Variants in SEMA3E observed in about 807,000 individuals in gnomAD.
SEMA3E encodes the protein semaphorin 3E.
A neutral mutation model predicts 93.6 loss-of-function variants in SEMA3E; 49 were observed. That is an observed-to-expected ratio of 0.52 (90% CI 0.42 to 0.66). The LOEUF is 0.66. Among genes scored for constraint, SEMA3E ranks in the 30% least tolerant of loss-of-function variants. The pLI, the probability that SEMA3E is intolerant of heterozygous loss-of-function variation, is 0.00. For synonymous variants in SEMA3E, 363 were observed against 330.7 expected, an observed-to-expected ratio of 1.10 and a Z score of -1.06; for missense variants, 906 against 964.8, an observed-to-expected ratio of 0.94 and a Z score of 0.81.
chr7:83,588,924 C>T (rs1792691722), intron 1 of SEMA3E, among the ~76,000 whole-genome samples: 1 of 152,088 alleles, frequency 6.6e-6, no homozygotes, highest in South Asian at 2.1e-4. Flanking sequence ...CCAAGAAAGG[C>T]TGAAAAGCTC....
intron 1 of SEMA3E, among the ~76,000 whole-genome samples, chr7:83,589,396 G>T (rs1340348034): frequency 6.6e-6 from 1 of 151,998 alleles, no homozygotes; most frequent in African/African-American, 2.4e-5. Flanking sequence ...GAGACTTAAA[G>T]ATTTGAGTTT....
At chr7:83,537,698 T>C (rs779547684) in intron 1 of SEMA3E, among the ~76,000 whole-genome samples, 1 of 152,210 alleles carries the variant, frequency 6.6e-6, no homozygotes, top group Admixed American at 6.5e-5. Flanking sequence ...GCTTTATAAT[T>C]CACATAGCAC....
At chr7:83,645,869 AT>A (rs1178889786) in intron 1 of SEMA3E, among the ~76,000 whole-genome samples, 6 of 151,658 alleles carry the variant, frequency 4.0e-5, no homozygotes, top group East Asian at 3.9e-4. Flanking sequence ...ATCTCTGGAC[AT>A]TTTTTTTCTG....
intron 1 of SEMA3E, among the ~76,000 whole-genome samples, chr7:83,546,852 G>C (rs1463482342): frequency 6.6e-6 from 1 of 152,068 alleles, no homozygotes; most frequent in East Asian, 1.9e-4. Context: ...GAGCAAACTG[G>C]TTGAAGTAAA....
chr7:83,536,199 C>A (rs978582), intron 1 of SEMA3E, among the ~76,000 whole-genome samples: 128,390 of 151,912 alleles, frequency 0.85, 54,503 homozygotes, highest in South Asian at 0.95. Context: ...CTTTTACCAG[C>A]TTTTGATTTT....
intron 1 of SEMA3E, among the ~76,000 whole-genome samples, chr7:83,572,446 C>A (rs1329217684): frequency 6.6e-6 from 1 of 152,014 alleles, no homozygotes; most frequent in African/African-American, 2.4e-5. Context: ...CGAGACCATC[C>A]TGGCCAACAT....
chr7:83,575,248 G>C (rs957439047), intron 1 of SEMA3E, among the ~76,000 whole-genome samples: 1 of 151,376 alleles, frequency 6.6e-6, no homozygotes, highest in Non-Finnish European at 1.5e-5. Flanking sequence ...CAGGATGGAC[G>C]GAGAAACATC....
chr7:83,453,326 T>C (rs1255400152), intron 4 of SEMA3E, among the ~76,000 whole-genome samples: 1 of 151,932 alleles, frequency 6.6e-6, no homozygotes, highest in Non-Finnish European at 1.5e-5. Context: ...TGGATATTTA[T>C]TGGGTAGCTA....
At chr7:83,575,123 A>C (rs1419592783) in intron 1 of SEMA3E, among the ~76,000 whole-genome samples, 2 of 152,084 alleles carry the variant, frequency 1.3e-5, no homozygotes, top group African/African-American at 2.4e-5. Flanking sequence ...AATATGCATT[A>C]GTTTAATAAG....
intron 1 of SEMA3E, among the ~76,000 whole-genome samples, chr7:83,607,355 T>G (rs1463969885): frequency 6.6e-6 from 1 of 152,190 alleles, no homozygotes; most frequent in Admixed American, 6.5e-5. Flanking sequence ...CTCCACTCAC[T>G]CACTGAGCAT....
intron 4 of SEMA3E, among the ~76,000 whole-genome samples, chr7:83,460,014 G>C (rs963590133): frequency 1.3e-5 from 2 of 151,922 alleles, no homozygotes; most frequent in African/African-American, 4.8e-5. Context: ...ATCTCCCTTC[G>C]CTGACTCTCT....
At chr7:83,623,539 C>G (rs1406698289) in intron 1 of SEMA3E, among the ~76,000 whole-genome samples, 1 of 151,266 alleles carries the variant, frequency 6.6e-6, no homozygotes, top group East Asian at 1.9e-4. Context: ...ACTTTTTGTA[C>G]TTTCTTCTAA....
intron 1 of SEMA3E, among the ~76,000 whole-genome samples, chr7:83,531,818 C>G (rs1201459144): frequency 6.6e-6 from 1 of 152,124 alleles, no homozygotes; most frequent in Non-Finnish European, 1.5e-5. Flanking sequence ...TAGTTCACTT[C>G]TTTTGTACTG....
intron 6 of SEMA3E, among the ~76,000 whole-genome samples, chr7:83,407,533 A>G (rs1404224797): frequency 1.3e-5 from 2 of 152,174 alleles, no homozygotes; most frequent in Non-Finnish European, 2.9e-5. Context: ...CTTAAAATGC[A>G]TTCAGGAAAG....
intron 1 of SEMA3E, among the ~76,000 whole-genome samples, chr7:83,636,445 T>C (rs1793883815): frequency 6.6e-6 from 1 of 152,178 alleles, no homozygotes; most frequent in Non-Finnish European, 1.5e-5. Context: ...TAGATATAGA[T>C]ATGTATCTAT....
chr7:83,375,818 T>C (rs1020821988), intron 16 of SEMA3E, among the ~76,000 whole-genome samples: 1 of 152,062 alleles, frequency 6.6e-6, no homozygotes, highest in Non-Finnish European at 1.5e-5. Context: ...AGAGTTCAGT[T>C]AAAAACTCTA....
At chr7:83,489,098 A>C (rs1006839163) in intron 2 of SEMA3E, among the ~76,000 whole-genome samples, 1 of 152,082 alleles carries the variant, frequency 6.6e-6, no homozygotes, top group Non-Finnish European at 1.5e-5. Context: ...TATTTAACCA[A>C]AAGTTTTGGT....
chr7:83,496,003 A>G (rs1338666267), intron 1 of SEMA3E, among the ~76,000 whole-genome samples: 3 of 151,990 alleles, frequency 2.0e-5, no homozygotes, highest in Non-Finnish European at 4.4e-5. Flanking sequence ...TCTCAAGGTG[A>G]TAATAACAGT....
At position 83,490,125 on chromosome 7, in the gene SEMA3E, C is replaced by G. The variant is rs759100269; in HGVS notation, c.265G>C (p.Gly89Arg). 6.2e-7 allele frequency: 1 copy of G among 1,612,652 alleles called. No homozygotes were observed. The highest frequency in any genetic ancestry group is 1.7e-5 in the Admixed American group (1 of 59,818). ...TGATATTTCTATACCTCTTTATAGC[C>G]GTCACTGATTCTCTCCAAGCTGAGG... ...YSLSLERISD[G>R]YKEIHWPSTA... The change falls in exon 2 of 17, where the codon GGC (glycine) becomes CGC (arginine). Residue 89 changes from glycine (G) to arginine (R), a missense_variant. Gly to Arg is a moderately radical substitution (Grantham distance 125). Transcript: ENST00000643230.
Sources: gnomAD v4.1 joint callset for allele counts (sites outside exome capture counted in the v4.1 genomes callset) on GRCh38, gnomAD v4.1.1 for gene constraint, MANE v1.5 for transcripts, NCBI Gene and HGNC (gene_info 2026-07-23, HGNC 2026-07-21) for gene names.